TEAD3: variants seen among roughly 807,000 people sequenced by gnomAD.
TEAD3 encodes the protein TEA domain transcription factor 3.
TEAD3 carries 15 observed loss-of-function variants against 55.6 expected under a neutral mutation model. That is an observed-to-expected ratio of 0.27 (90% confidence interval 0.18 to 0.42). The LOEUF is 0.42. Among genes scored for constraint, TEAD3 ranks in the 10% least tolerant of loss-of-function variants. The probability of loss-of-function intolerance (pLI) is 1.00; values close to 1 mark genes in which losing one functional copy is unlikely to be tolerated. For missense variants in TEAD3, 407 were observed against 576.8 expected (o/e 0.71, Z 3.01); for synonymous variants, 210 against 232.2 (o/e 0.90, Z 0.87).
At chr6:35,478,674 G>C in intron 5 of TEAD3, 103 bp from the exon 6 acceptor site, 2 of 1,409,598 alleles carry the variant, frequency 1.4e-6, no homozygotes. Flanking sequence ...CACTAGGATG[G>C]CAGGTGTTCC....
In TEAD3 at chr6:35,484,134, T is replaced by C. The variant is rs1194655487; in HGVS notation, c.267+426A>G. ...CTCCCCTAGCCTTGTCTGGGTTGGC[T>C]GCTTGTCCCAGGGTGCCCTGCACCC... On this transcript the variant is annotated intron_variant, in intron 3 of 12. Coordinates refer to ENST00000639578, the Ensembl canonical transcript of TEAD3. The surrounding 1 kb of genome is among the most constrained non-coding windows in gnomAD (Gnocchi z 5.8). Among the ~76,000 whole-genome samples the C allele has an allele frequency of 6.6e-6, 1 of 152,170 alleles. No individual in the cohort carries two copies. Among genetic ancestry groups the C allele is most frequent in the East Asian group, 1.9e-4 (1 of 5,188 alleles).
At chr6:35,476,565 G>A in intron 8 of TEAD3, 130 bp from the exon 9 acceptor site, 3 of 1,111,346 alleles carry the variant, frequency 2.7e-6, no homozygotes, top group Non-Finnish European at 3.9e-6. Flanking sequence ...CCTACTATGT[G>A]TCCTTGTACA....
rs1768430271 is a variant in TEAD3 at position 35,488,265 on chromosome 6, G to GCC, written c.-49-1556_-49-1555dup. On this transcript the variant is annotated intron_variant, in intron 1 of 12. Transcript: ENST00000639578. This position sits in a 1 kb window ranked among gnomAD's most constrained non-coding sequence, Gnocchi z 4.2. ...ACAGCAGCCCGTAAACCACCAACACGCCCGCCCCCGCCCTGGCCCATCCTA... is the reference window on the plus strand; with the variant it reads ...ACAGCAGCCCGTAAACCACCAACACGCCCCCGCCCCCGCCCTGGCCCATCCTA... Among the ~76,000 whole-genome samples, 1 of 151,806 alleles carries GCC rather than the reference G, an allele frequency of 6.6e-6. No homozygotes were observed. Among genetic ancestry groups the GCC allele is most frequent in the Non-Finnish European group, 1.5e-5 (1 of 67,956 alleles).
In TEAD3 at chr6:35,486,783, C is replaced by A. The variant is rs1768392657; in HGVS notation, c.-49-72G>T. The stretch of plus-strand genomic sequence containing the variant: ...ACAGCAATCTCCTATCCCACAGCCG[C>A]TGGCTCTGGAGCTCCGCCCCCAGCC... On this transcript the variant is annotated intron_variant, in intron 1 of 12. Transcript: ENST00000639578. This position sits in a 1 kb window ranked among gnomAD's most constrained non-coding sequence, Gnocchi z 7.3. 1 of 1,124,648 alleles carries A rather than the reference C, an allele frequency of 8.9e-7. No homozygotes were observed. Among genetic ancestry groups the A allele is most frequent in the Non-Finnish European group, 1.3e-6 (1 of 798,940 alleles). The allele number at this position is 1,124,648 out of a possible 1,614,324, so 69.7% of individuals were successfully genotyped here. A position where few individuals can be genotyped will look rare whatever the true frequency, so the allele number is the denominator to read the frequency against.
intron 1 of TEAD3, among the ~76,000 whole-genome samples, chr6:35,492,503 G>T (rs1014086309): frequency 6.6e-6 from 1 of 152,158 alleles, no homozygotes; most frequent in African/African-American, 2.4e-5. Context: ...CTGCCAGGCT[G>T]GGGAGGGCTT....
rs917036386 is a variant in TEAD3 at position 35,486,382 on chromosome 6, A to C, written c.202+79T>G. On this transcript the variant is annotated intron_variant, in intron 2 of 12. Coordinates refer to ENST00000639578, the Ensembl canonical transcript of TEAD3. This position sits in a 1 kb window ranked among gnomAD's most constrained non-coding sequence, Gnocchi z 7.3. ...CCCGGCCAGCGGCTGGCGGCCTCCGACGTCACCAAACCGGTTGGGTGAGAG... is the reference window on the plus strand; with the variant it reads ...CCCGGCCAGCGGCTGGCGGCCTCCGCCGTCACCAAACCGGTTGGGTGAGAG... 8.7e-6 allele frequency: 13 copies of C among 1,494,530 alleles called. No individual in the cohort carries two copies. The highest frequency in any genetic ancestry group is 1.2e-5 in the Non-Finnish European group (13 of 1,112,864). 92.6% of individuals were successfully genotyped at this position (1,494,530 alleles called of 1,614,324 possible).
chr6:35,478,436 G>A, exon 6 of TEAD3: 3 of 1,613,688 alleles, frequency 1.9e-6, no homozygotes, highest in Non-Finnish European at 2.5e-6. Flanking sequence ...CCATGTACCC[G>A]CGAGGAAGTG....
intron 1 of TEAD3, among the ~76,000 whole-genome samples, chr6:35,487,341 C>T (rs1257785901): frequency 6.6e-6 from 1 of 152,064 alleles, no homozygotes; most frequent in Non-Finnish European, 1.5e-5. Context: ...ATCATGAGGT[C>T]AGGTGTTTGA....
Position 35,486,104 on chromosome 6 carries a change from C to G in TEAD3, c.202+357G>C, listed in dbSNP as rs1259398256. 6.6e-6 allele frequency among the ~76,000 whole-genome samples: 1 copy of G among 152,212 alleles called. No homozygotes were observed. The highest frequency in any genetic ancestry group is 1.5e-5 in the Non-Finnish European group (1 of 68,038). On this transcript the variant is annotated intron_variant, in intron 2 of 12. Transcript: ENST00000639578. This position sits in a 1 kb window ranked among gnomAD's most constrained non-coding sequence, Gnocchi z 7.3. ...GTGGGAGTCACCGGGCGACTATCAC[C>G]GGGCCTCCTTTCCACATCCTCCTCC...
chr6:35,496,386 G>A lies in TEAD3; in HGVS notation c.-50+512C>T, dbSNP rs1386117585. Among the ~76,000 whole-genome samples, 1 of 152,088 alleles carries A rather than the reference G, an allele frequency of 6.6e-6. No individual in the cohort carries two copies. Among genetic ancestry groups the A allele is most frequent in the Non-Finnish European group, 1.5e-5 (1 of 67,992 alleles). ...TCCCAGACACCCTCCACAACCCAGC[G>A]CAGCCGCGGCACCGCGCGCAGAAAC... On this transcript the variant is annotated intron_variant, in intron 1 of 12. Coordinates refer to ENST00000639578, the Ensembl canonical transcript of TEAD3. This position sits in a 1 kb window ranked among gnomAD's most constrained non-coding sequence, Gnocchi z 4.8.
intron 1 of TEAD3, among the ~76,000 whole-genome samples, chr6:35,489,418 TGAGA>T (rs1768456422): frequency 6.6e-6 from 1 of 152,158 alleles, no homozygotes; most frequent in South Asian, 2.1e-4. Context: ...CCCCACCACC[TGAGA>T]GAGAAAGGAG....
At chr6:35,476,201 G>A in intron 9 of TEAD3, 101 bp downstream of exon 9, 1 of 1,552,200 alleles carries the variant, frequency 6.4e-7, no homozygotes, top group South Asian at 1.2e-5. Context: ...TCCTGAACAG[G>A]CCAGACCCCC....
exon 8 of TEAD3, chr6:35,477,364 G>A: frequency 1.2e-6 from 2 of 1,602,076 alleles, no homozygotes; most frequent in Non-Finnish European, 1.7e-6. Context: ...CTGTGCAAAG[G>A]GCTTGATGCT....
At chr6:35,490,383 G>C (rs1229423103) in intron 1 of TEAD3, among the ~76,000 whole-genome samples, 1 of 152,116 alleles carries the variant, frequency 6.6e-6, no homozygotes. Flanking sequence ...GTCAAGGAGA[G>C]AATAGGACCA....
rs751064050 is a variant in TEAD3 at position 35,480,385 on chromosome 6, C to G, written c.268-263G>C. 1.2e-6 allele frequency: 2 copies of G among 1,613,348 alleles called. No homozygotes were observed. Among genetic ancestry groups the G allele is most frequent in the South Asian group, 2.2e-5 (2 of 90,994 alleles). The stretch of plus-strand genomic sequence containing the variant: ...TATGTGGCTGGACACCTAGGGGCCG[C>G]CCCGCGCCCCGCCAGAGAGGAAAAC... On this transcript the variant is annotated intron_variant, in intron 3 of 12. Transcript: ENST00000639578.
intron 5 of TEAD3, 143 bp from the exon 6 acceptor site, chr6:35,478,714 G>A (rs1317239788): frequency 2.6e-6 from 3 of 1,136,948 alleles, no homozygotes; most frequent in East Asian, 2.6e-5. Context: ...TCCAGCCCCA[G>A]CTCTGCTGTG....
chr6:35,482,295 A>C (rs1234932433), intron 3 of TEAD3, among the ~76,000 whole-genome samples: 1 of 152,174 alleles, frequency 6.6e-6, no homozygotes, highest in African/African-American at 2.4e-5. Context: ...ATCAAAAAAA[A>C]CCTTGTCAGT....
rs747027285 is a variant in TEAD3 at position 35,484,549 on chromosome 6, C to T, written c.267+11G>A. 42 of 1,597,986 alleles carry T rather than the reference C, an allele frequency of 2.6e-5. No individual in the cohort carries two copies. Among genetic ancestry groups the T allele is most frequent in the African/African-American group, 6.7e-5 (5 of 74,602 alleles). ...TGTGGGTGGCAGGCCCAGCATAAAC[C>T]GTCTCTCTACCTGTTTTCTCGTCCG... is the stretch of plus-strand genomic sequence containing the variant. On this transcript the variant is annotated intron_variant, in intron 3 of 12. Transcript: ENST00000639578. The surrounding 1 kb of genome is among the most constrained non-coding windows in gnomAD (Gnocchi z 5.8).
At chr6:35,481,374 T>G (rs1200043111) in intron 3 of TEAD3, among the ~76,000 whole-genome samples, 1 of 152,000 alleles carries the variant, frequency 6.6e-6, no homozygotes, top group Non-Finnish European at 1.5e-5. Context: ...GCAATTGGCT[T>G]TCTTTGCGAG....
Sources: gnomAD v4.1 joint callset for allele counts (sites outside exome capture counted in the v4.1 genomes callset) on GRCh38, gnomAD v4.1.1 for gene constraint, Gnocchi (gnomAD v3.1) non-coding constraint, MANE v1.5 for transcripts, NCBI Gene and HGNC (gene_info 2026-07-23, HGNC 2026-07-21) for gene names.